The following OPN3 variants were observed in gnomAD, a reference collection of about 807,000 sequenced individuals.
The protein encoded by OPN3 is opsin-3.
A neutral mutation model predicts 33.8 loss-of-function variants in OPN3; 29 were observed. The observed-to-expected ratio is 0.86, with a 90% CI of 0.64 to 1.17. OPN3 has a LOEUF of 1.17. OPN3 is among the 50% of genes most tolerant of loss of function. The probability of loss-of-function intolerance (pLI) is 0.00; values close to 1 mark genes in which losing one functional copy is unlikely to be tolerated. For missense variants in OPN3, 437 were observed against 514.1 expected (o/e 0.85, Z 1.45); for synonymous variants, 216 against 216.1 (o/e 1.00, Z 0.00).
At chr1:241,610,127 G>A (rs540431962) in intron 1 of OPN3, among the ~76,000 whole-genome samples, 2 of 152,294 alleles carry the variant, frequency 1.3e-5, no homozygotes, top group African/African-American at 4.8e-5. Context: ...AAATCTCGTT[G>A]GCATATCATT....
chr1:241,637,856 C>A (rs1345312368), intron 1 of OPN3, among the ~76,000 whole-genome samples: 5 of 152,132 alleles, frequency 3.3e-5, no homozygotes, highest in Non-Finnish European at 1.5e-5. Flanking sequence ...ACAGATAGGG[C>A]AAGCCTCTCC....
rs1663421774 is a variant in OPN3, at chr1:241,594,167, A to G, written c.*261T>C. 2.2e-5 allele frequency: 9 copies of G among 418,192 alleles called. No individual in the cohort carries two copies. The highest frequency in any genetic ancestry group is 3.4e-5 in the Non-Finnish European group (8 of 236,836). 25.9% of individuals were successfully genotyped at this position (418,192 alleles called of 1,614,324 possible). A position where few individuals can be genotyped will look rare whatever the true frequency, so the allele number is the denominator to read the frequency against. On this transcript the variant is annotated 3_prime_UTR_variant, in exon 4 of 4. Transcript: ENST00000366554. ...TATTTGAAATGAAAATCTCCAACAC[A>G]TTAGAAGATGATGATGTTAGATGCC...
At chr1:241,628,003 AG>A (rs1664471690) in intron 1 of OPN3, among the ~76,000 whole-genome samples, 1 of 152,142 alleles carries the variant, frequency 6.6e-6, no homozygotes, top group Non-Finnish European at 1.5e-5. Flanking sequence ...CCCAGGCAAA[AG>A]AAAAAGTTTC....
Position 241,604,264 on chromosome 1 carries a change from C to G in OPN3, c.689G>C (p.Arg230Pro), listed in dbSNP as rs200754923. ...HCYGHILYSI[R>P]MLRCVEDLQT... ...CATCTGTAGTCTTCAACTCACCATTCGAATGGAATATAGAATATGGCCATA... is the reference window on the plus strand; with the variant it reads ...CATCTGTAGTCTTCAACTCACCATTGGAATGGAATATAGAATATGGCCATA... Residue 230 changes from arginine to proline, a missense_variant, in exon 2 of 4, where the codon CGA (arginine) becomes CCA (proline). By Grantham distance (103) the Arg-to-Pro change is moderately radical (BLOSUM62 -2). Coordinates refer to ENST00000366554, the MANE Select transcript of OPN3 (RefSeq NM_014322.3). 4 of 1,613,056 alleles carry G rather than the reference C, an allele frequency of 2.5e-6. No individual in the cohort carries two copies. Among genetic ancestry groups the G allele is most frequent in the Non-Finnish European group, 3.4e-6 (4 of 1,179,336 alleles).
At chr1:241,639,405 C>T (rs1665025373) in intron 1 of OPN3, among the ~76,000 whole-genome samples, 1 of 152,166 alleles carries the variant, frequency 6.6e-6, no homozygotes, top group Non-Finnish European at 1.5e-5. Flanking sequence ...TTTCTACTCT[C>T]ATTTTAGGAA....
chr1:241,640,046 T>C lies in OPN3; in HGVS notation c.209A>G (p.Gln70Arg). The C allele has an allele frequency of 6.2e-7, 1 of 1,612,898 alleles. No homozygotes were observed. The highest frequency in any genetic ancestry group is 8.5e-7 in the Non-Finnish European group (1 of 1,179,534). Residue 70 changes from glutamine (Q) to arginine (R), a missense_variant, in exon 1 of 4, where the codon CAG (glutamine) becomes CGG (arginine). By Grantham distance (43) the Gln-to-Arg change is conservative. Transcript: ENST00000366554. ...GAGGTGAGTGGGAGTGCGGAGCCGC[T>C]GGAACTTGTAGTAGAGGACGAGCAC... ...LLVLVLYYKFQRLRTPTHLLL... is the reference protein window; with the variant it reads ...LLVLVLYYKFRRLRTPTHLLL...
chr1:241,631,438 C>G (rs1369638582), intron 1 of OPN3: 1 of 151,912 alleles, frequency 6.6e-6, no homozygotes, highest in Non-Finnish European at 1.5e-5. Flanking sequence ...TTTTATAGGT[C>G]TATTTCAAGT....
intron 1 of OPN3, among the ~76,000 whole-genome samples, chr1:241,619,905 T>C (rs1664230955): frequency 6.6e-6 from 1 of 152,198 alleles, no homozygotes; most frequent in Admixed American, 6.5e-5. Context: ...TATAGGGCCC[T>C]GAGTTTAGTT....
chr1:241,623,808 C>T (rs1664331908), intron 1 of OPN3, among the ~76,000 whole-genome samples: 1 of 152,184 alleles, frequency 6.6e-6, no homozygotes. Context: ...TTCTCCTTGC[C>T]TCCAGTATCC....
At chr1:241,638,289 T>A (rs1482661147) in intron 1 of OPN3, among the ~76,000 whole-genome samples, 2 of 151,866 alleles carry the variant, frequency 1.3e-5, no homozygotes, top group African/African-American at 4.8e-5. Flanking sequence ...AAGGGAGAAG[T>A]GACCAGGAGA....
chr1:241,607,719 A>G (rs528934983), intron 1 of OPN3, among the ~76,000 whole-genome samples: 93 of 146,600 alleles, frequency 6.3e-4, no homozygotes, highest in African/African-American at 2.2e-3. Flanking sequence ...AGAAAGAAAG[A>G]GGAAGAGAAA....
intron 1 of OPN3, chr1:241,630,147 T>C (rs993631438): frequency 5.3e-5 from 8 of 152,068 alleles, no homozygotes; most frequent in African/African-American, 1.9e-4. Flanking sequence ...CTTCTGTAGA[T>C]GGTGAAATAG....
intron 1 of OPN3, among the ~76,000 whole-genome samples, chr1:241,606,462 A>C (rs1663831792): frequency 6.6e-6 from 1 of 151,880 alleles, no homozygotes; most frequent in African/African-American, 2.4e-5. Flanking sequence ...GGAAAATTGT[A>C]TGAACCAGGG....
At chr1:241,617,731 T>C (rs924623341) in intron 1 of OPN3, among the ~76,000 whole-genome samples, 1 of 152,244 alleles carries the variant, frequency 6.6e-6, no homozygotes, top group Non-Finnish European at 1.5e-5. Context: ...GAAAATGTGA[T>C]GTGATACCTC....
intron 2 of OPN3, among the ~76,000 whole-genome samples, chr1:241,599,778 G>C (rs1221269747): frequency 6.6e-6 from 1 of 152,054 alleles, no homozygotes; most frequent in Non-Finnish European, 1.5e-5. Context: ...CCTCCTCTAA[G>C]AGTAAACAAG....
At chr1:241,635,596 G>C (rs774646424) in intron 1 of OPN3, 2 of 1,614,098 alleles carry the variant, frequency 1.2e-6, no homozygotes, top group Admixed American at 3.3e-5. Flanking sequence ...CCTTCAACCA[G>C]GATAGCAATC....
chr1:241,615,412 T>C lies in OPN3; in HGVS notation c.374-10833A>G, dbSNP rs551185110. 1.1e-4 allele frequency among the ~76,000 whole-genome samples: 17 copies of C among 152,250 alleles called. No individual in the cohort carries two copies. In the East Asian group the frequency reaches 2.9e-3, roughly 26 times the overall value. On this transcript the variant is annotated intron_variant, in intron 1 of 3. Coordinates refer to ENST00000366554, the MANE Select transcript of OPN3 (RefSeq NM_014322.3). Reference sequence around the variant, plus strand: ...GGTTTTATGATAACCTACCACAGTATGCTCAAGAAAACTGCATCAGACTCT... The same window carrying C: ...GGTTTTATGATAACCTACCACAGTACGCTCAAGAAAACTGCATCAGACTCT...
intron 1 of OPN3, among the ~76,000 whole-genome samples, chr1:241,613,414 A>C (rs1301780714): frequency 1.3e-5 from 2 of 152,238 alleles, no homozygotes; most frequent in African/African-American, 4.8e-5. Context: ...GTCTGCTTCC[A>C]AAGTCCATGC....
intron 1 of OPN3, chr1:241,635,107 AGAGT>A (rs747505249): frequency 1.2e-6 from 2 of 1,612,676 alleles, no homozygotes; most frequent in Non-Finnish European, 1.7e-6. Context: ...TAACTATTTG[AGAGT>A]AAGTAATCCT....
Sources: allele counts gnomAD v4.1 joint callset (sites outside exome capture counted in the v4.1 genomes callset), GRCh38; gene constraint gnomAD v4.1.1; transcripts MANE v1.5; gene names NCBI Gene and HGNC (gene_info 2026-07-23, HGNC 2026-07-21).